The following MYH9 variants were observed in gnomAD, a reference collection of about 807,000 sequenced individuals.
The protein encoded by MYH9 is myosin-9.
MYH9 carries 29 observed loss-of-function variants against 241.9 expected under a neutral mutation model. The observed-to-expected ratio is 0.12, with a 90% CI of 0.09 to 0.16. The LOEUF (loss-of-function observed/expected upper bound fraction) is 0.16, where lower values mean the gene tolerates loss of function less well. Ranked by LOEUF, MYH9 falls within the 10% of genes least tolerant of loss-of-function variation. The pLI is 1.00. For missense variants in MYH9, 1,803 were observed against 2,595.5 expected (o/e 0.69, Z 6.63); for synonymous variants, 1,047 against 1,062.6 (o/e 0.99, Z 0.29).
chr22:36,331,137 G>A (rs982123853), intron 3 of MYH9, among the ~76,000 whole-genome samples: 13 of 152,100 alleles, frequency 8.5e-5, no homozygotes, highest in Non-Finnish European at 1.2e-4. Context: ...CGAGAGCGCT[G>A]TGGCCCTGGG....
Position 36,305,800 on chromosome 22 carries a change from C to T in MYH9, c.2159+130G>A, listed in dbSNP as rs1046520341. On this transcript the variant is annotated intron_variant, in intron 17 of 40. Coordinates refer to ENST00000216181, the MANE Select transcript of MYH9 (RefSeq NM_002473.6). This position sits in a 1 kb window ranked among gnomAD's most constrained non-coding sequence, Gnocchi z 4.7. ...AGGAGGTGGGGAAGAGCTGGCCAGACTCAGTTCTACATGGATGGAGGACGT... is the reference window on the plus strand; with the variant it reads ...AGGAGGTGGGGAAGAGCTGGCCAGATTCAGTTCTACATGGATGGAGGACGT... 7.5e-6 allele frequency: 10 copies of T among 1,341,820 alleles called. No homozygotes were observed. In the African/African-American group the frequency reaches 1.4e-4, roughly 19 times the overall value. The allele number at this position is 1,341,820 out of a possible 1,614,324, so 83.1% of individuals were successfully genotyped here. A position where few individuals can be genotyped will look rare whatever the true frequency, so the allele number is the denominator to read the frequency against.
intron 1 of MYH9, among the ~76,000 whole-genome samples, chr22:36,387,263 C>G (rs1407120731): frequency 6.6e-6 from 1 of 152,210 alleles, no homozygotes; most frequent in Admixed American, 6.5e-5. Flanking sequence ...TGCAGCGGGA[C>G]GGTCCGACTC....
At chr22:36,282,838 G>A (rs1042893415) in intron 40 of MYH9, 53 bp from the exon 41 acceptor site, 43 of 1,483,632 alleles carry the variant, frequency 2.9e-5, no homozygotes, top group Admixed American at 1.5e-4. Context: ...GGCCAGGGGC[G>A]GCCACAGCAC....
At chr22:36,340,971 G>A (rs1432398953) in intron 3 of MYH9, among the ~76,000 whole-genome samples, 1 of 152,144 alleles carries the variant, frequency 6.6e-6, no homozygotes, top group African/African-American at 2.4e-5. Context: ...TGTTTGTGTA[G>A]AGATGGGAAG....
chr22:36,376,455 TGTTGGAG>T (rs1182361444), intron 1 of MYH9, among the ~76,000 whole-genome samples: 3 of 152,016 alleles, frequency 2.0e-5, no homozygotes, highest in Admixed American at 2.0e-4. Flanking sequence ...CCCAACTCCC[TGTTGGAG>T]GATAAGGCTG....
At position 36,309,298 on chromosome 22, in the gene MYH9, C is replaced by A. The variant is rs375576418; in HGVS notation, c.1827G>T (p.Ser609=). The A allele has an allele frequency of 6.8e-6, 11 of 1,614,106 alleles. No homozygotes were observed. The highest frequency in any genetic ancestry group is 8.5e-6 in the Non-Finnish European group (10 of 1,179,988). ...LLHQSSDKFV[S]ELWKDVDRII... is the part of the protein sequence containing the mutation. The stretch of plus-strand genomic sequence containing the variant: ...AGGGCGTACCATCCTTCCACAGCTC[C>A]GAGACAAACTTGTCAGAGGACTGGT... The change falls in exon 15 of 41, where the codon TCG becomes TCT. Residue 609 remains serine (S), a synonymous_variant. Coordinates refer to ENST00000216181, the MANE Select transcript of MYH9 (RefSeq NM_002473.6).
At chr22:36,366,394 C>T (rs1043202097) in intron 1 of MYH9, among the ~76,000 whole-genome samples, 6 of 151,844 alleles carry the variant, frequency 4.0e-5, no homozygotes, top group Admixed American at 6.6e-5. Context: ...GGTGGGGGGT[C>T]GGGGGGAGTG....
chr22:36,343,909 G>C (rs555706932), intron 2 of MYH9, among the ~76,000 whole-genome samples: 2 of 152,192 alleles, frequency 1.3e-5, no homozygotes, highest in African/African-American at 4.8e-5. Flanking sequence ...CCACACTCTA[G>C]GAAATCCAGC....
rs2016635929 is a variant in MYH9 at position 36,288,851 on chromosome 22, T to A, written c.4646A>T (p.Gln1549Leu). 3.7e-6 allele frequency: 6 copies of A among 1,614,022 alleles called. No individual in the cohort carries two copies. The East Asian group carries it at 1.3e-4, about 36-fold the overall frequency. ...TQLEELEDEL[Q>L]ATEDAKLRLE... ...CCGCAGCTTGGCATCTTCGGTGGCC[T>A]GCAGCTCGTCCTCCAGCTCTTCCAG... The change falls in exon 33 of 41, where the codon CAG becomes CTG. Residue 1549 changes from glutamine to leucine, a missense_variant. By Grantham distance (113) the Gln-to-Leu change is moderately radical. Coordinates refer to ENST00000216181, the MANE Select transcript of MYH9 (RefSeq NM_002473.6). The surrounding 1 kb of genome is among the most constrained non-coding windows in gnomAD (Gnocchi z 4.8).
chr22:36,355,137 T>A (rs946543541), intron 1 of MYH9, among the ~76,000 whole-genome samples: 1 of 152,010 alleles, frequency 6.6e-6, no homozygotes, highest in Admixed American at 6.6e-5. Flanking sequence ...CCCCCAGCGC[T>A]TTCCTTCCCG....
Position 36,282,227 on chromosome 22 carries a change from G to C in MYH9, c.*441C>G, listed in dbSNP as rs772123014. 2.7e-6 allele frequency: 1 copy of C among 365,488 alleles called. No individual in the cohort carries two copies. The highest frequency in any genetic ancestry group is 5.1e-6 in the Non-Finnish European group (1 of 195,536). 22.6% of individuals were successfully genotyped at this position (365,488 alleles called of 1,614,324 possible). A position where few individuals can be genotyped will look rare whatever the true frequency, so the allele number is the denominator to read the frequency against. The stretch of plus-strand genomic sequence containing the variant: ...GCAAACAGCAAAGAAAGGAGGAGGA[G>C]TGGGGGCGCTGGTGGCAGACGTCAG... On this transcript the variant is annotated 3_prime_UTR_variant, in exon 41 of 41. Transcript: ENST00000216181.
intron 1 of MYH9, among the ~76,000 whole-genome samples, chr22:36,383,307 A>C (rs1487125365): frequency 6.6e-6 from 1 of 152,164 alleles, no homozygotes; most frequent in Non-Finnish European, 1.5e-5. Flanking sequence ...ACCCAAGTCC[A>C]GTGCTCTTCC....
chr22:36,371,464 G>A (rs1391650036), intron 1 of MYH9, among the ~76,000 whole-genome samples: 2 of 152,186 alleles, frequency 1.3e-5, no homozygotes, highest in African/African-American at 2.4e-5. Context: ...CTCCAGAACT[G>A]AGGGGATAAA....
chr22:36,297,232 C>G, intron 24 of MYH9: 1 of 592,170 alleles, frequency 1.7e-6, no homozygotes, highest in Non-Finnish European at 3.0e-6. Flanking sequence ...ACCCCTTGTC[C>G]TTCCCTGCCA....
In MYH9 at chr22:36,306,755, C is replaced by A. The variant is rs1486294629; in HGVS notation, c.1844-148G>T. On this transcript the variant is annotated intron_variant, in intron 15 of 40. Transcript: ENST00000216181. This position sits in a 1 kb window ranked among gnomAD's most constrained non-coding sequence, Gnocchi z 4.1. The stretch of plus-strand genomic sequence containing the variant: ...GGACCCTTTCCAATTGGAGCCTACA[C>A]TGGGTGCTAAGGTCATCCCCAAACA... 1 of 870,862 alleles carries A rather than the reference C, an allele frequency of 1.1e-6. No homozygotes were observed. Among genetic ancestry groups the A allele is most frequent in the Non-Finnish European group, 1.8e-6 (1 of 543,694 alleles). 53.9% of individuals were successfully genotyped at this position (870,862 alleles called of 1,614,324 possible). A position where few individuals can be genotyped will look rare whatever the true frequency, so the allele number is the denominator to read the frequency against.
At chr22:36,302,727 C>T (rs2146345255) in intron 19 of MYH9, 51 bp from the exon 20 acceptor site, 1 of 1,489,212 alleles carries the variant, frequency 6.7e-7, no homozygotes, top group Non-Finnish European at 9.3e-7. Context: ...GCAGACCCGA[C>T]CTAACAGTCC....
intron 1 of MYH9, among the ~76,000 whole-genome samples, chr22:36,368,784 G>C (rs948425606): frequency 2.0e-5 from 3 of 151,912 alleles, no homozygotes; most frequent in South Asian, 4.2e-4. Flanking sequence ...AACCAATTCG[G>C]AATGCCCCAG....
chr22:36,309,308 T>C lies in MYH9; in HGVS notation c.1817A>G (p.Lys606Arg). ...IATLLHQSSD[K>R]FVSELWKDVD... Reference sequence around the variant, plus strand: ...ATCCTTCCACAGCTCCGAGACAAACTTGTCAGAGGACTGGTGGAGCAGTGT... The same window carrying C: ...ATCCTTCCACAGCTCCGAGACAAACCTGTCAGAGGACTGGTGGAGCAGTGT... Residue 606 changes from lysine (K) to arginine (R), a missense_variant, in exon 15 of 41, where the codon AAG becomes AGG. This residue lies in a region of MYH9 where 163 missense variants were observed against 349.7 expected (regional missense o/e 0.47). Coordinates refer to ENST00000216181, the MANE Select transcript of MYH9 (RefSeq NM_002473.6). 6.2e-7 allele frequency: 1 copy of C among 1,614,180 alleles called. No homozygotes were observed. The highest frequency in any genetic ancestry group is 8.5e-7 in the Non-Finnish European group (1 of 1,180,026).
rs767085768 is a variant in MYH9, at chr22:36,285,254, C to G, written c.5350G>C (p.Glu1784Gln). Reference sequence around the variant, plus strand: ...ACCTTAAGCTCCTTGTTCTGGCGTTCCAGCTGCTGCCGAGCATTCTCGTTC... The same window carrying G: ...ACCTTAAGCTCCTTGTTCTGGCGTTGCAGCTGCTGCCGAGCATTCTCGTTC... ...QKNENARQQLERQNKELKVKL... is the reference protein window; with the variant it reads ...QKNENARQQLQRQNKELKVKL... The change falls in exon 38 of 41, where the codon GAA becomes CAA. Residue 1784 changes from glutamate to glutamine, a missense_variant. Physicochemically the swap from Glu to Gln is conservative, Grantham distance 29. This residue lies in a region of MYH9 where 876 missense variants were observed against 1,077.8 expected (regional missense o/e 0.81). Coordinates refer to ENST00000216181, the MANE Select transcript of MYH9 (RefSeq NM_002473.6). This position sits in a 1 kb window ranked among gnomAD's most constrained non-coding sequence, Gnocchi z 7.0. 7 of 1,614,162 alleles carry G rather than the reference C, an allele frequency of 4.3e-6. No individual in the cohort carries two copies. Among genetic ancestry groups the G allele is most frequent in the Non-Finnish European group, 5.9e-6 (7 of 1,180,034 alleles).
Sources: gnomAD v4.1 joint callset for allele counts (sites outside exome capture counted in the v4.1 genomes callset) on GRCh38, gnomAD v4.1.1 for gene constraint, gnomAD v4.1.1 regional missense constraint, Gnocchi (gnomAD v3.1) non-coding constraint, MANE v1.5 for transcripts, NCBI Gene and HGNC (gene_info 2026-07-23, HGNC 2026-07-21) for gene names.